The following DRAXIN variants were observed in gnomAD, a reference collection of about 807,000 sequenced individuals.
The protein encoded by DRAXIN is dorsal repulsive axon guidance protein.
A neutral mutation model predicts 33.9 loss-of-function variants in DRAXIN; 27 were observed. The ratio of observed to expected loss-of-function variants is 0.80; its 90% CI spans 0.59 to 1.10. DRAXIN has a LOEUF of 1.10. Ranked by LOEUF, DRAXIN falls within the 50% of genes least tolerant of loss-of-function variation. The pLI is 0.00. For missense variants in DRAXIN, 371 were observed against 460.8 expected (o/e 0.81, Z 1.78); for synonymous variants, 178 against 194.0 (o/e 0.92, Z 0.69).
At position 11,706,731 on chromosome 1, in the gene DRAXIN, G is replaced by T. The variant is rs757584117; in HGVS notation, c.451+22G>T. ...CAAGGTAGCTGGAGGGCTGCGAGGG[G>T]TGGGGATGGGGGTGATTCCTGCCAT... On this transcript the variant is annotated intron_variant, in intron 2 of 6. Transcript: ENST00000294485. This position sits in a 1 kb window ranked among gnomAD's most constrained non-coding sequence, Gnocchi z 5.5. 1.3e-6 allele frequency: 2 copies of T among 1,528,088 alleles called. No homozygotes were observed. Among genetic ancestry groups the T allele is most frequent in the South Asian group, 2.4e-5 (2 of 81,812 alleles). The allele number at this position is 1,528,088 out of a possible 1,614,324, so 94.7% of individuals were successfully genotyped here. A position where few individuals can be genotyped will look rare whatever the true frequency, so the allele number is the denominator to read the frequency against.
upstream of DRAXIN, among the ~76,000 whole-genome samples, chr1:11,690,879 A>G (rs1641049023): frequency 6.6e-6 from 1 of 152,044 alleles, no homozygotes; most frequent in African/African-American, 2.4e-5. The surrounding 1 kb of genome is among the most constrained non-coding windows in gnomAD (Gnocchi z 4.2). Flanking sequence ...CGGTCTGAGA[A>G]GCTTCAGGCC....
chr1:11,709,568 G>A (rs1570315459), intron 3 of DRAXIN, 103 bp downstream of exon 3: 2 of 1,335,092 alleles, frequency 1.5e-6, no homozygotes, highest in East Asian at 2.6e-5. Context: ...GGGGGCAGGA[G>A]GCCACAGAGC....
At chr1:11,695,081 G>A (rs1034013396) in intron 1 of DRAXIN, among the ~76,000 whole-genome samples, 2 of 151,986 alleles carry the variant, frequency 1.3e-5, no homozygotes, top group African/African-American at 4.8e-5. Context: ...CAGCTGCACT[G>A]GTGTTGGTTA....
rs542951196 is a variant in DRAXIN, at chr1:11,694,730, A to G, written c.-11+2877A>G. Among the ~76,000 whole-genome samples, 198 of 152,236 alleles carry G rather than the reference A, an allele frequency of 1.3e-3. 2 individuals carry two copies. The highest frequency in any genetic ancestry group is 4.5e-3 in the African/African-American group (185 of 41,538). Reference sequence around the variant, plus strand: ...CTCTTGCTCCGCTGGCCCTCTCTGCATGCCCTACTCCAGCCTTCCTTCTCA... The same window carrying G: ...CTCTTGCTCCGCTGGCCCTCTCTGCGTGCCCTACTCCAGCCTTCCTTCTCA... On this transcript the variant is annotated intron_variant, in intron 1 of 6. Transcript: ENST00000294485. The surrounding 1 kb of genome is among the most constrained non-coding windows in gnomAD (Gnocchi z 4.9).
In DRAXIN at chr1:11,704,143, T is replaced by C. The variant is rs1183370873; in HGVS notation, c.-10-2106T>C. Among the ~76,000 whole-genome samples the C allele has an allele frequency of 6.6e-6, 1 of 152,190 alleles. No homozygotes were observed. Among genetic ancestry groups the C allele is most frequent in the Non-Finnish European group, 1.5e-5 (1 of 68,030 alleles). The stretch of plus-strand genomic sequence containing the variant: ...GTCTGGGTTTTCTTCCTCATTCCCC[T>C]CAACCCCCAGGACAAGGAGGAGGTG... On this transcript the variant is annotated intron_variant, in intron 1 of 6. Transcript: ENST00000294485. The surrounding 1 kb of genome is among the most constrained non-coding windows in gnomAD (Gnocchi z 4.6).
chr1:11,689,612 C>T (rs996418154), upstream of DRAXIN, among the ~76,000 whole-genome samples: 12 of 152,078 alleles, frequency 7.9e-5, 1 homozygote, highest in South Asian at 4.2e-4. Flanking sequence ...AAACAAAAGG[C>T]GGGGGGAGGG....
chr1:11,706,246 C>T lies in DRAXIN; in HGVS notation c.-10-3C>T. The T allele has an allele frequency of 1.3e-6, 2 of 1,569,350 alleles. No homozygotes were observed. The highest frequency in any genetic ancestry group is 1.7e-6 in the Non-Finnish European group (2 of 1,157,762). ...CGCATTCATGGTGTTGCTCTTCTTGCAGGGAGGAGCCAATGGCTGGGCCTG... is the reference window on the plus strand; with the variant it reads ...CGCATTCATGGTGTTGCTCTTCTTGTAGGGAGGAGCCAATGGCTGGGCCTG... On this transcript the variant is annotated splice_polypyrimidine_tract_variant and splice_region_variant and intron_variant, in intron 1 of 6. Transcript: ENST00000294485. The surrounding 1 kb of genome is among the most constrained non-coding windows in gnomAD (Gnocchi z 5.5).
chr1:11,707,571 T>C (rs991210134), intron 2 of DRAXIN, among the ~76,000 whole-genome samples: 3 of 152,204 alleles, frequency 2.0e-5, no homozygotes, highest in African/African-American at 7.2e-5. Flanking sequence ...GGCAGGGCCA[T>C]GAGCAGTCAT....
chr1:11,708,168 C>T (rs79383189), intron 2 of DRAXIN, among the ~76,000 whole-genome samples: 4 of 152,332 alleles, frequency 2.6e-5, no homozygotes, highest in African/African-American at 7.2e-5. Flanking sequence ...AGAGGGCACG[C>T]GTGGGGTGTG....
rs748492188 is a variant in DRAXIN, at chr1:11,705,811, G to A, written c.-10-438G>A. 2.6e-5 allele frequency among the ~76,000 whole-genome samples: 4 copies of A among 152,160 alleles called. No homozygotes were observed. Among genetic ancestry groups the A allele is most frequent in the Admixed American group, 6.5e-5 (1 of 15,278 alleles). Reference sequence around the variant, plus strand: ...TTCCATTTGTATGGAATTAGGCTCCGAGTCAAGTCTCAGGGGCCAGAGGCA... The same window carrying A: ...TTCCATTTGTATGGAATTAGGCTCCAAGTCAAGTCTCAGGGGCCAGAGGCA... On this transcript the variant is annotated intron_variant, in intron 1 of 6. Coordinates refer to ENST00000294485, the MANE Select transcript of DRAXIN (RefSeq NM_198545.4). This position sits in a 1 kb window ranked among gnomAD's most constrained non-coding sequence, Gnocchi z 4.8.
chr1:11,722,909 C>T lies in DRAXIN; in HGVS notation c.*3213C>T, dbSNP rs1212617461. 1.3e-5 allele frequency: 2 copies of T among 151,734 alleles called. No individual in the cohort carries two copies. Among genetic ancestry groups the T allele is most frequent in the Non-Finnish European group, 2.9e-5 (2 of 68,000 alleles). The allele number at this position is 151,734 out of a possible 1,614,324, so 9.4% of individuals were successfully genotyped here. On this transcript the variant is annotated 3_prime_UTR_variant, in exon 7 of 7. Transcript: ENST00000294485. ...TGGCTCAGTCTCAGCTCACTGCAAC[C>T]TCTTCATCCCAGGTTCAAGCAATTC...
At chr1:11,719,538 C>T (rs746398868) in intron 6 of DRAXIN, 46 bp from the exon 7 acceptor site, 3 of 1,520,066 alleles carry the variant, frequency 2.0e-6, no homozygotes, top group South Asian at 2.3e-5. Context: ...AAGGGGAGGG[C>T]ACGGGCCCTT....
At chr1:11,718,339 T>C (rs1641611977) in intron 6 of DRAXIN, among the ~76,000 whole-genome samples, 1 of 140,078 alleles carries the variant, frequency 7.1e-6, no homozygotes. Flanking sequence ...AAAAAAGCAA[T>C]GGCTCTCCAT....
At chr1:11,714,940 C>A (rs556747667) in intron 5 of DRAXIN, among the ~76,000 whole-genome samples, 179 bp from the exon 6 acceptor site, 472 of 152,358 alleles carry the variant, frequency 3.1e-3, no homozygotes, top group African/African-American at 0.011. Flanking sequence ...CCCTTGGGGG[C>A]CTCGGCCATG....
intron 5 of DRAXIN, among the ~76,000 whole-genome samples, chr1:11,713,117 G>A (rs1203047756): frequency 2.0e-5 from 3 of 151,826 alleles, no homozygotes; most frequent in African/African-American, 7.3e-5. Flanking sequence ...AACATTGCTT[G>A]AACCCGGGAG....
chr1:11,686,807 TAAAAA>T (rs560855200), upstream of DRAXIN, among the ~76,000 whole-genome samples: 3 of 104,488 alleles, frequency 2.9e-5, no homozygotes, highest in Non-Finnish European at 3.9e-5. Context: ...ACTGCCACTT[TAAAAA>T]AAAAAAAAAA....
chr1:11,709,234 C>T (rs771984989), intron 2 of DRAXIN, 41 bp from the exon 3 acceptor site: 5 of 1,554,292 alleles, frequency 3.2e-6, no homozygotes, highest in Non-Finnish European at 2.6e-6. Context: ...CACGAGGTGG[C>T]AAGCAGATAT....
rs1385207820 is a variant in DRAXIN, at chr1:11,706,938, G to T, written c.451+229G>T. Among the ~76,000 whole-genome samples the T allele has an allele frequency of 6.6e-6, 1 of 152,190 alleles. No individual in the cohort carries two copies. The highest frequency in any genetic ancestry group is 1.9e-4 in the East Asian group (1 of 5,186). On this transcript the variant is annotated intron_variant, in intron 2 of 6. Coordinates refer to ENST00000294485, the MANE Select transcript of DRAXIN (RefSeq NM_198545.4). The surrounding 1 kb of genome is among the most constrained non-coding windows in gnomAD (Gnocchi z 5.5). ...ATACAATCTGTCTTATCGCGGCCCG[G>T]TGCCGTGGCTCACGCTTGTAATCCC...
chr1:11,689,434 C>T (rs1327891095), upstream of DRAXIN, among the ~76,000 whole-genome samples: 2 of 151,956 alleles, frequency 1.3e-5, no homozygotes, highest in East Asian at 1.9e-4. Context: ...CCCATCTCTA[C>T]TGAAAACACA....
Sources: gnomAD v4.1 joint callset for allele counts (sites outside exome capture counted in the v4.1 genomes callset) on GRCh38, gnomAD v4.1.1 for gene constraint, Gnocchi (gnomAD v3.1) non-coding constraint, MANE v1.5 for transcripts, NCBI Gene and HGNC (gene_info 2026-07-23, HGNC 2026-07-21) for gene names.